MFGE8: variants seen among roughly 807,000 people sequenced by gnomAD.
MFGE8 encodes lactadherin.
Under a neutral mutation model 42.6 loss-of-function variants are expected in MFGE8, and 34 were observed. The ratio of observed to expected loss-of-function variants is 0.80; its 90% CI spans 0.61 to 1.06. MFGE8 has a LOEUF of 1.06. Among genes scored for constraint, MFGE8 ranks in the 50% least tolerant of loss-of-function variants. The pLI, the probability that MFGE8 is intolerant of heterozygous loss-of-function variation, is 0.00. For missense variants in MFGE8, 510 were observed against 516.9 expected (o/e 0.99, Z 0.13); for synonymous variants, 230 against 214.8 (o/e 1.07, Z -0.62).
Position 88,903,971 on chromosome 15 carries a change from T to C in MFGE8, c.685+1786A>G, listed in dbSNP as rs1041434892. On this transcript the variant is annotated intron_variant, in intron 5 of 7. Coordinates refer to ENST00000268150, the MANE Select transcript of MFGE8 (RefSeq NM_005928.4). The surrounding 1 kb of genome is among the most constrained non-coding windows in gnomAD (Gnocchi z 4.9). ...GCCTGCAGTGCTCTTTTTGCAGTGC[T>C]GTTTTTAAGTTTTTCATGTGGCTGG... The C allele has an allele frequency of 1.3e-5, 2 of 152,318 alleles. No homozygotes were observed. The highest frequency in any genetic ancestry group is 2.9e-5 in the Non-Finnish European group (2 of 68,100). The allele number at this position is 152,318 out of a possible 1,614,324, so 9.4% of individuals were successfully genotyped here. A position where few individuals can be genotyped will look rare whatever the true frequency, so the allele number is the denominator to read the frequency against.
At chr15:88,907,144 T>G (rs779466076) in intron 3 of MFGE8, 51 bp downstream of exon 3, 3 of 1,572,930 alleles carry the variant, frequency 1.9e-6, no homozygotes, top group Non-Finnish European at 2.6e-6. Flanking sequence ...GCAGAAACAT[T>G]CATCGAGCCT....
At chr15:88,901,806 A>C in intron 5 of MFGE8, 71 bp from the exon 6 acceptor site, 1 of 1,458,722 alleles carries the variant, frequency 6.9e-7, no homozygotes, top group Non-Finnish European at 9.6e-7. Flanking sequence ...CAAGGCGATG[A>C]AGCAGAAAGA....
At position 88,901,202 on chromosome 15, in the gene MFGE8, T is replaced by A. The variant is rs541460792; in HGVS notation, c.870+349A>T. Among the ~76,000 whole-genome samples, 4 of 52,880 alleles carry A rather than the reference T, an allele frequency of 7.6e-5. 1 individual carries two copies. The East Asian group carries it at 1.8e-3, about 24-fold the overall frequency. The allele number at this position is 52,880 out of a possible 152,430, so 34.7% of individuals were successfully genotyped here. On this transcript the variant is annotated intron_variant, in intron 6 of 7. Coordinates refer to ENST00000268150, the MANE Select transcript of MFGE8 (RefSeq NM_005928.4). Reference sequence around the variant, plus strand: ...ACACATTCACACACACATTCACACATTCACACACACACATTCACACATACA... The same window carrying A: ...ACACATTCACACACACATTCACACAATCACACACACACATTCACACATACA...
At chr15:88,901,805 G>T in intron 5 of MFGE8, 70 bp from the exon 6 acceptor site, 1 of 1,455,390 alleles carries the variant, frequency 6.9e-7, no homozygotes, top group Non-Finnish European at 9.6e-7. Flanking sequence ...ACAAGGCGAT[G>T]AAGCAGAAAG....
chr15:88,911,856 T>C (rs1898973588), intron 1 of MFGE8, among the ~76,000 whole-genome samples: 1 of 152,134 alleles, frequency 6.6e-6, no homozygotes, highest in South Asian at 2.1e-4. Context: ...ACACCATTAA[T>C]GAGCGATCTG....
intron 1 of MFGE8, among the ~76,000 whole-genome samples, chr15:88,911,388 C>A (rs1468131559): frequency 6.6e-6 from 1 of 152,168 alleles, no homozygotes; most frequent in African/African-American, 2.4e-5. Context: ...CTGCCCCAGA[C>A]CCTACACCCA....
chr15:88,911,974 G>C (rs1380470483), intron 1 of MFGE8: 3 of 492,524 alleles, frequency 6.1e-6, no homozygotes, highest in South Asian at 1.8e-5. Flanking sequence ...CCTGGCAGGC[G>C]GGGGCGAGCA....
chr15:88,910,472 T>C (rs1443023706), intron 1 of MFGE8: 1 of 201,372 alleles, frequency 5.0e-6, no homozygotes, highest in African/African-American at 2.3e-5. Flanking sequence ...GGAGGGCCAA[T>C]GACCATGCTA....
rs143117049 is a variant in MFGE8, at chr15:88,909,921, T to C, written c.76A>G (p.Ile26Val). Residue 26 changes from isoleucine to valine, a missense_variant and splice_region_variant, in exon 2 of 8, where the codon ATC becomes GTC. Ile to Val is a conservative substitution (Grantham distance 29). Coordinates refer to ENST00000268150, the MANE Select transcript of MFGE8 (RefSeq NM_005928.4). The part of the protein sequence containing the change: ...CAPSLLVALD[I>V]CSKNPCHNGG... ...TTGTGGCAGGGGTTTTTGGAACAGA[T>C]ATCTGGGGACAGAGACAGGTAAGAT... 5,592 of 1,614,012 alleles carry C rather than the reference T, an allele frequency of 3.5e-3. 162 individuals are homozygous for C. In the South Asian group the frequency reaches 0.051, roughly 15 times the overall value.
At chr15:88,907,705 G>GAC (rs1472808428) in intron 2 of MFGE8, among the ~76,000 whole-genome samples, 1 of 75,950 alleles carries the variant, frequency 1.3e-5, no homozygotes, top group African/African-American at 6.4e-5. Context: ...GGAAAGTAGA[G>GAC]TCCCCCCCGC....
chr15:88,909,435 C>T (rs1036969693), intron 2 of MFGE8, among the ~76,000 whole-genome samples: 1 of 152,230 alleles, frequency 6.6e-6, no homozygotes, highest in Admixed American at 6.5e-5. Context: ...GTAGAAAAAT[C>T]CTTGCAACTT....
At chr15:88,912,298 C>T in intron 1 of MFGE8, 1 of 1,283,208 alleles carries the variant, frequency 7.8e-7, no homozygotes, top group South Asian at 1.2e-5. Context: ...GAAGATCCAG[C>T]TGTCTTTCAT....
At chr15:88,910,155 G>C (rs1412939766) in intron 1 of MFGE8, 2 of 482,790 alleles carry the variant, frequency 4.1e-6, no homozygotes, top group East Asian at 4.3e-5. Flanking sequence ...TTTCCAAGTG[G>C]CCTGGGAGTG....
chr15:88,899,259 T>A lies in MFGE8; in HGVS notation c.*136A>T. The A allele has an allele frequency of 8.5e-7, 1 of 1,176,194 alleles. No homozygotes were observed. The highest frequency in any genetic ancestry group is 1.2e-6 in the Non-Finnish European group (1 of 828,048). 72.9% of individuals were successfully genotyped at this position (1,176,194 alleles called of 1,614,324 possible). ...AGGGTGGGAAAGAGGGAGGGAGGGG[T>A]GACTGTGTGGTGGTGCTGCCTCTGA... On this transcript the variant is annotated 3_prime_UTR_variant, in exon 8 of 8. Coordinates refer to ENST00000268150, the MANE Select transcript of MFGE8 (RefSeq NM_005928.4). The surrounding 1 kb of genome is among the most constrained non-coding windows in gnomAD (Gnocchi z 6.8).
chr15:88,900,442 ACTG>A (rs1022339794), intron 6 of MFGE8, among the ~76,000 whole-genome samples: 1 of 152,172 alleles, frequency 6.6e-6, no homozygotes, highest in African/African-American at 2.4e-5. Flanking sequence ...AGGGGCATGA[ACTG>A]CTCTAGAGGC....
chr15:88,911,258 A>ATCTCCACACCGCTGAT (rs1898941998), intron 1 of MFGE8, among the ~76,000 whole-genome samples: 1 of 152,228 alleles, frequency 6.6e-6, no homozygotes, highest in Admixed American at 6.5e-5. Flanking sequence ...GTACACTATC[A>ATCTCCACACCGCTGAT]GCCCCGGTGG....
In MFGE8 at chr15:88,909,923, T is replaced by C. The variant is rs1407557550; in HGVS notation, c.74A>G (p.Asp25Gly). 1.2e-6 allele frequency: 2 copies of C among 1,613,928 alleles called. No individual in the cohort carries two copies. The highest frequency in any genetic ancestry group is 2.2e-5 in the East Asian group (1 of 44,890). ...GTGGCAGGGGTTTTTGGAACAGATATCTGGGGACAGAGACAGGTAAGATGA... is the reference window on the plus strand; with the variant it reads ...GTGGCAGGGGTTTTTGGAACAGATACCTGGGGACAGAGACAGGTAAGATGA... Reference protein sequence around the residue: ...LCAPSLLVALDICSKNPCHNG... With the variant: ...LCAPSLLVALGICSKNPCHNG... Residue 25 changes from aspartate (D) to glycine (G), a missense_variant and splice_region_variant, in exon 2 of 8, where the codon GAT becomes GGT. By Grantham distance (94) the Asp-to-Gly change is moderately conservative. Coordinates refer to ENST00000268150, the MANE Select transcript of MFGE8 (RefSeq NM_005928.4).
intron 1 of MFGE8, chr15:88,911,978 G>A (rs979184711): frequency 2.7e-5 from 14 of 511,006 alleles, no homozygotes; most frequent in Non-Finnish European, 4.6e-5. Flanking sequence ...GCAGGCGGGG[G>A]CGAGCATTGA....
chr15:88,907,212 C>G lies in MFGE8; in HGVS notation c.370G>C (p.Asp124His). The G allele has an allele frequency of 6.2e-7, 1 of 1,613,740 alleles. No homozygotes were observed. Among genetic ancestry groups the G allele is most frequent in the Non-Finnish European group, 8.5e-7 (1 of 1,179,856 alleles). The change falls in exon 3 of 8, where the codon GAT becomes CAT. Residue 124 changes from aspartate to histidine, a missense_variant. Physicochemically the swap from Asp to His is moderately conservative, Grantham distance 81 (BLOSUM62 -1). Transcript: ENST00000268150. Reference sequence around the variant, plus strand: ...AGGCATACCTGGATCCAGGGGTTATCGTCATTGCTGCTGGGTGTCCAGGCA... The same window carrying G: ...AGGCATACCTGGATCCAGGGGTTATGGTCATTGCTGCTGGGTGTCCAGGCA... ...VNAWTPSSND[D>H]NPWIQVNLLR...
Sources: gnomAD v4.1 joint callset for allele counts (sites outside exome capture counted in the v4.1 genomes callset) on GRCh38, gnomAD v4.1.1 for gene constraint, Gnocchi (gnomAD v3.1) non-coding constraint, MANE v1.5 for transcripts, NCBI Gene and HGNC (gene_info 2026-07-23, HGNC 2026-07-21) for gene names.